CSMD1: variants seen among roughly 807,000 people sequenced by gnomAD.
The protein encoded by CSMD1 is CUB and sushi domain-containing protein 1.
CSMD1 carries 213 observed loss-of-function variants against 417.5 expected under a neutral mutation model. The ratio of observed to expected loss-of-function variants is 0.51; its 90% CI spans 0.46 to 0.57. CSMD1 has a LOEUF of 0.57. Ranked by LOEUF, CSMD1 falls within the 20% of genes least tolerant of loss-of-function variation. The pLI is 0.00. For missense variants in CSMD1, 6,923 were observed against 4,529.7 expected (o/e 1.53, Z -15.17); for synonymous variants, 2,862 against 1,736.8 (o/e 1.65, Z -16.11).
chr8:3,932,868 G>C lies in CSMD1; in HGVS notation c.818+65035C>G, dbSNP rs141639192. Among the ~76,000 whole-genome samples the C allele has an allele frequency of 7.3e-5, 11 of 150,126 alleles. No homozygotes were observed. The East Asian group carries it at 1.2e-3, about 16-fold the overall frequency. ...TTATTAGATTTCACTATTGTGTAAA[G>C]TTAAATGTTTTTGAATTTTCTATTC... On this transcript the variant is annotated intron_variant, in intron 5 of 69. Coordinates refer to ENST00000635120, the MANE Select transcript of CSMD1 (RefSeq NM_033225.6).
intron 1 of CSMD1, among the ~76,000 whole-genome samples, chr8:4,789,718 G>C (rs990336940): frequency 1.3e-5 from 2 of 152,134 alleles, no homozygotes; most frequent in Non-Finnish European, 2.9e-5. Flanking sequence ...TAAGATAAAG[G>C]TTGATTGTAT....
chr8:4,168,580 G>C (rs1056472083), intron 3 of CSMD1, among the ~76,000 whole-genome samples: 1 of 151,922 alleles, frequency 6.6e-6, no homozygotes, highest in Admixed American at 6.6e-5. Context: ...CAATAGACGG[G>C]CTTTGCAGGG....
chr8:4,104,429 C>T (rs1042799704), intron 3 of CSMD1, among the ~76,000 whole-genome samples: 4 of 143,512 alleles, frequency 2.8e-5, no homozygotes, highest in Admixed American at 2.1e-4. Flanking sequence ...CACACATGCG[C>T]ACACGCATGC....
chr8:4,400,511 G>C (rs1804573561), intron 3 of CSMD1, among the ~76,000 whole-genome samples: 1 of 152,178 alleles, frequency 6.6e-6, no homozygotes, highest in South Asian at 2.1e-4. Context: ...TTCTAAAAAA[G>C]TCAATAAAAA....
At chr8:3,529,533 G>C (rs560998226) in intron 10 of CSMD1, among the ~76,000 whole-genome samples, 5 of 152,272 alleles carry the variant, frequency 3.3e-5, no homozygotes, top group South Asian at 4.1e-4. Flanking sequence ...TTTAATGCCA[G>C]ATTATTTAAC....
At chr8:4,549,143 G>A (rs1395230603) in intron 2 of CSMD1, among the ~76,000 whole-genome samples, 1 of 151,864 alleles carries the variant, frequency 6.6e-6, no homozygotes, top group Non-Finnish European at 1.5e-5. Context: ...TGCCCCAATT[G>A]TCTTTCTTAC....
intron 1 of CSMD1, among the ~76,000 whole-genome samples, chr8:4,681,855 G>A (rs1206559243): frequency 6.6e-6 from 1 of 152,092 alleles, no homozygotes; most frequent in African/African-American, 2.4e-5. Flanking sequence ...CGTAAGGTGA[G>A]GAAGGTAACT....
intron 1 of CSMD1, among the ~76,000 whole-genome samples, chr8:4,709,605 C>G (rs942948288): frequency 1.3e-5 from 2 of 152,254 alleles, no homozygotes; most frequent in African/African-American, 4.8e-5. Flanking sequence ...TGTCCAAAGG[C>G]AAGAAACAAA....
rs1307876419 is a variant in CSMD1, at chr8:3,411,958, GTATATATGCACGTATATATACACGTATA to G, written c.1562-2381_1562-2354del. Among the ~76,000 whole-genome samples the G allele has an allele frequency of 2.0e-4, 9 of 45,896 alleles. 2 individuals carry two copies. Among genetic ancestry groups the G allele is most frequent in the African/African-American group, 7.7e-4 (9 of 11,710 alleles). 30.1% of individuals were successfully genotyped at this position (45,896 alleles called of 152,430 possible). ...CGTATATATGCACGTATATATACAC[GTATATATGCACGTATATATACACGTATA>G]TATACGTGTATATACACGTATATAT... is the stretch of plus-strand genomic sequence containing the variant. On this transcript the variant is annotated intron_variant, in intron 12 of 69. Coordinates refer to ENST00000635120, the MANE Select transcript of CSMD1 (RefSeq NM_033225.6).
chr8:3,923,540 C>A (rs913588102), intron 5 of CSMD1, among the ~76,000 whole-genome samples: 2 of 152,236 alleles, frequency 1.3e-5, no homozygotes, highest in Admixed American at 6.5e-5. Context: ...ATTTCCCACA[C>A]AGAACAGGAT....
chr8:3,822,764 T>G (rs1052315383), intron 5 of CSMD1, among the ~76,000 whole-genome samples: 1 of 152,152 alleles, frequency 6.6e-6, no homozygotes, highest in East Asian at 1.9e-4. Flanking sequence ...ACAGGTTTGT[T>G]GAGAATAAAG....
chr8:3,382,316 G>A (rs1022027417), intron 18 of CSMD1, among the ~76,000 whole-genome samples: 6 of 146,024 alleles, frequency 4.1e-5, no homozygotes, highest in Admixed American at 3.5e-4. Context: ...ATTGGGTTAG[G>A]GTTATTTATA....
At chr8:4,471,641 G>C (rs149820024) in intron 2 of CSMD1, among the ~76,000 whole-genome samples, 12 of 152,214 alleles carry the variant, frequency 7.9e-5, no homozygotes, top group African/African-American at 2.9e-4. Context: ...CGACTGGTTG[G>C]AAAGAACTGG....
At chr8:3,763,746 T>A (rs1798129721) in intron 5 of CSMD1, among the ~76,000 whole-genome samples, 1 of 152,096 alleles carries the variant, frequency 6.6e-6, no homozygotes, top group African/African-American at 2.4e-5. Flanking sequence ...ACTAGATAAG[T>A]GAGGAGATAA....
Position 3,988,744 on chromosome 8 carries a change from A to T in CSMD1, c.818+9159T>A, listed in dbSNP as rs372939241. ...TGATTTTCATTCACAAAGTTGACGGACATATACAAAAACAGCCCTGAATGT... is the reference window on the plus strand; with the variant it reads ...TGATTTTCATTCACAAAGTTGACGGTCATATACAAAAACAGCCCTGAATGT... On this transcript the variant is annotated intron_variant, in intron 5 of 69. Transcript: ENST00000635120. Among the ~76,000 whole-genome samples the T allele has an allele frequency of 4.6e-5, 7 of 152,366 alleles. No homozygotes were observed. In the East Asian group the frequency reaches 1.2e-3, roughly 25 times the overall value.
At chr8:4,859,613 A>C (rs940979037) in intron 1 of CSMD1, among the ~76,000 whole-genome samples, 52 of 152,256 alleles carry the variant, frequency 3.4e-4, no homozygotes, top group African/African-American at 1.3e-3. Flanking sequence ...ATGAACAGAC[A>C]CTTCTCAAAA....
intron 2 of CSMD1, among the ~76,000 whole-genome samples, chr8:4,451,749 A>AT (rs1207101521): frequency 3.9e-5 from 6 of 152,050 alleles, no homozygotes; most frequent in Non-Finnish European, 8.8e-5. Context: ...AAGGCATCGA[A>AT]TGATACAGAT....
At chr8:4,101,755 G>A (rs537968027) in intron 3 of CSMD1, among the ~76,000 whole-genome samples, 7 of 152,334 alleles carry the variant, frequency 4.6e-5, no homozygotes, top group African/African-American at 1.7e-4. Context: ...ATAAGTGAAA[G>A]CTTTTGCTTA....
intron 49 of CSMD1, 62 bp downstream of exon 49, chr8:3,087,035 G>C (rs1280978543): frequency 3.6e-6 from 5 of 1,370,566 alleles, no homozygotes; most frequent in Non-Finnish European, 1.0e-6. Flanking sequence ...TATTTTCAGA[G>C]AGTGATTAAA....
Sources: gnomAD v4.1 joint callset for allele counts (sites outside exome capture counted in the v4.1 genomes callset) on GRCh38, gnomAD v4.1.1 for gene constraint, MANE v1.5 for transcripts, NCBI Gene and HGNC (gene_info 2026-07-23, HGNC 2026-07-21) for gene names.